The following UNC5C variants were observed in gnomAD, a reference collection of about 807,000 sequenced individuals.
UNC5C encodes the protein unc-5 netrin receptor C.
A neutral mutation model predicts 99.8 loss-of-function variants in UNC5C; 47 were observed. That is an observed-to-expected ratio of 0.47 (90% confidence interval 0.37 to 0.60). The LOEUF is 0.60. Ranked by LOEUF, UNC5C falls within the 20% of genes least tolerant of loss-of-function variation. UNC5C has a pLI of 0.00. For missense variants in UNC5C, 1,062 were observed against 1,165.9 expected, an observed-to-expected ratio of 0.91 and a Z score of 1.30; for synonymous variants, 487 against 452.2, an observed-to-expected ratio of 1.08 and a Z score of -0.98.
At chr4:95,268,324 C>T (rs1740528716) in intron 4 of UNC5C, among the ~76,000 whole-genome samples, 1 of 152,072 alleles carries the variant, frequency 6.6e-6, no homozygotes, top group African/African-American at 2.4e-5. Context: ...TTCTTTAGTT[C>T]AGGATAAATA....
At chr4:95,201,915 T>C (rs1737690224) in intron 12 of UNC5C, among the ~76,000 whole-genome samples, 1 of 152,214 alleles carries the variant, frequency 6.6e-6, no homozygotes. Context: ...AGGGTCTTTA[T>C]TTATTGTTTG....
intron 5 of UNC5C, among the ~76,000 whole-genome samples, 198 bp downstream of exon 5, chr4:95,250,289 G>A (rs964196211): frequency 1.3e-5 from 2 of 152,186 alleles, no homozygotes; most frequent in Non-Finnish European, 2.9e-5. Context: ...GGATGCTGAG[G>A]TGGGAGTATC....
intron 1 of UNC5C, among the ~76,000 whole-genome samples, chr4:95,367,056 G>A (rs1183585994): frequency 2.0e-5 from 3 of 152,036 alleles, no homozygotes; most frequent in Admixed American, 6.6e-5. Context: ...TGTCAATTAG[G>A]TAGGGCAGAG....
intron 6 of UNC5C, 82 bp downstream of exon 6, chr4:95,244,895 A>G (rs2149379521): frequency 1.3e-6 from 2 of 1,546,590 alleles, no homozygotes; most frequent in East Asian, 2.3e-5. Flanking sequence ...CAGATCAAGA[A>G]TAAAGTCTGT....
At chr4:95,482,884 A>T (rs1178118853) in intron 1 of UNC5C, among the ~76,000 whole-genome samples, 2 of 131,626 alleles carry the variant, frequency 1.5e-5, no homozygotes, top group Admixed American at 1.5e-4. Context: ...GGGGAGGGAT[A>T]GCATTAGGAG....
chr4:95,423,488 C>T (rs2149457148), intron 1 of UNC5C, among the ~76,000 whole-genome samples: 1 of 152,266 alleles, frequency 6.6e-6, no homozygotes, highest in Non-Finnish European at 1.5e-5. Flanking sequence ...ATCCATGGAT[C>T]ACTACAAGAT....
chr4:95,393,863 T>TTTTA (rs767724274), intron 1 of UNC5C, among the ~76,000 whole-genome samples: 3,467 of 146,294 alleles, frequency 0.024, 137 homozygotes, highest in African/African-American at 0.082. Flanking sequence ...TTTTTTTTTT[T>TTTTA]AAAAAAAAAC....
chr4:95,547,166 G>A (rs1296487627), intron 1 of UNC5C, among the ~76,000 whole-genome samples: 1 of 152,038 alleles, frequency 6.6e-6, no homozygotes, highest in Non-Finnish European at 1.5e-5. Context: ...TAGACAGACA[G>A]ATGAACTCTG....
At chr4:95,534,425 A>G (rs180883619) in intron 1 of UNC5C, among the ~76,000 whole-genome samples, 41 of 152,334 alleles carry the variant, frequency 2.7e-4, no homozygotes, top group Admixed American at 1.3e-4. Context: ...ACAATGACAC[A>G]TTTTAAAAAA....
chr4:95,531,525 G>T (rs545594326), intron 1 of UNC5C, among the ~76,000 whole-genome samples: 3 of 151,996 alleles, frequency 2.0e-5, no homozygotes, highest in African/African-American at 7.3e-5. Flanking sequence ...AACATATTTT[G>T]GTTACCTTAA....
chr4:95,242,714 C>T, intron 6 of UNC5C, 121 bp from the exon 7 acceptor site: 2 of 1,149,436 alleles, frequency 1.7e-6, no homozygotes, highest in Non-Finnish European at 2.4e-6. Flanking sequence ...CTGAGAAGCA[C>T]TGTATTCATT....
At chr4:95,343,708 G>T (rs1262128762) in intron 1 of UNC5C, among the ~76,000 whole-genome samples, 1 of 151,996 alleles carries the variant, frequency 6.6e-6, no homozygotes, top group Non-Finnish European at 1.5e-5. Context: ...AAGGAATTCA[G>T]AATTATATCA....
chr4:95,392,581 C>T (rs1579379247), intron 1 of UNC5C, among the ~76,000 whole-genome samples: 1 of 151,998 alleles, frequency 6.6e-6, no homozygotes, highest in African/African-American at 2.4e-5. Context: ...TACAGGCATG[C>T]ACCACCAGGC....
At chr4:95,407,489 T>C (rs1164499545) in intron 1 of UNC5C, among the ~76,000 whole-genome samples, 1 of 152,014 alleles carries the variant, frequency 6.6e-6, no homozygotes, top group African/African-American at 2.4e-5. Flanking sequence ...CATGCTCAGC[T>C]GAGACAAAGG....
At chr4:95,187,068 C>T (rs1736861355) in intron 12 of UNC5C, among the ~76,000 whole-genome samples, 1 of 152,190 alleles carries the variant, frequency 6.6e-6, no homozygotes. Context: ...ATTGCAGTTT[C>T]TTCTGCTTCA....
intron 1 of UNC5C, among the ~76,000 whole-genome samples, chr4:95,485,289 T>C (rs1327842131): frequency 6.6e-6 from 1 of 151,762 alleles, no homozygotes; most frequent in African/African-American, 2.4e-5. Context: ...CTGTACTATT[T>C]TAATGATACT....
chr4:95,346,491 G>T (rs1008711344), intron 1 of UNC5C, among the ~76,000 whole-genome samples: 2 of 151,880 alleles, frequency 1.3e-5, no homozygotes, highest in African/African-American at 2.4e-5. Context: ...TCAAACTACA[G>T]GTCAGTATCC....
At chr4:95,183,383 TA>T (rs57162384) in intron 13 of UNC5C, among the ~76,000 whole-genome samples, 99,712 of 149,422 alleles carry the variant, frequency 0.67, 33,387 homozygotes, top group Admixed American at 0.77. Context: ...TGTAAATGAT[TA>T]AAAAAAAAAA....
At chr4:95,526,659 CA>C (rs1203984709) in intron 1 of UNC5C, among the ~76,000 whole-genome samples, 1 of 151,556 alleles carries the variant, frequency 6.6e-6, no homozygotes, top group Non-Finnish European at 1.5e-5. Context: ...ATAATCACCA[CA>C]AAAAACTATA....
Sources: allele counts gnomAD v4.1 joint callset (sites outside exome capture counted in the v4.1 genomes callset), GRCh38; gene constraint gnomAD v4.1.1; transcripts MANE v1.5; gene names NCBI Gene and HGNC (gene_info 2026-07-23, HGNC 2026-07-21).